CNTNAP2: variants seen among roughly 807,000 people sequenced by gnomAD.
CNTNAP2 encodes contactin-associated protein-like 2.
CNTNAP2 carries 98 observed loss-of-function variants against 155.2 expected under a neutral mutation model. That is an observed-to-expected ratio of 0.63 (90% CI 0.54 to 0.75). The LOEUF is 0.75. Ranked by LOEUF, CNTNAP2 falls within the 30% of genes least tolerant of loss-of-function variation. CNTNAP2 has a pLI of 0.00. For missense variants in CNTNAP2, 1,727 were observed against 1,688.1 expected, an observed-to-expected ratio of 1.02 and a Z score of -0.40; for synonymous variants, 651 against 631.2, an observed-to-expected ratio of 1.03 and a Z score of -0.47.
intron 10 of CNTNAP2, among the ~76,000 whole-genome samples, chr7:147,484,569 A>C (rs1042044497): frequency 1.7e-4 from 26 of 152,224 alleles, no homozygotes; most frequent in African/African-American, 6.3e-4. Context: ...CTGTGCATAT[A>C]GCAGGTGCTC....
chr7:147,363,300 A>G (rs1796175378), intron 9 of CNTNAP2, among the ~76,000 whole-genome samples: 1 of 152,212 alleles, frequency 6.6e-6, no homozygotes, highest in African/African-American at 2.4e-5. Flanking sequence ...TGGATCTGCC[A>G]CTGCCTTGAT....
intron 21 of CNTNAP2, among the ~76,000 whole-genome samples, chr7:148,336,761 C>T (rs902411176): frequency 2.0e-5 from 3 of 152,196 alleles, no homozygotes; most frequent in Non-Finnish European, 4.4e-5. Flanking sequence ...AAAATGTAAT[C>T]ATTCATGAAG....
chr7:148,387,202 A>G (rs1799231226), intron 22 of CNTNAP2, among the ~76,000 whole-genome samples: 1 of 152,136 alleles, frequency 6.6e-6, no homozygotes, highest in South Asian at 2.1e-4. Flanking sequence ...TCAGTTTAAA[A>G]TGAGTTCCAT....
At chr7:148,373,383 T>C (rs2116644072) in intron 21 of CNTNAP2, among the ~76,000 whole-genome samples, 1 of 152,226 alleles carries the variant, frequency 6.6e-6, no homozygotes, top group East Asian at 1.9e-4. Context: ...TTGAACCCAG[T>C]AGGTGGAAGT....
At chr7:146,848,145 C>A (rs1185474903) in intron 3 of CNTNAP2, among the ~76,000 whole-genome samples, 1 of 152,082 alleles carries the variant, frequency 6.6e-6, no homozygotes, top group Admixed American at 6.5e-5. Flanking sequence ...GAGGCTTAAC[C>A]CAGATCTACT....
intron 1 of CNTNAP2, among the ~76,000 whole-genome samples, chr7:146,264,951 G>A (rs1008434902): frequency 2.0e-5 from 3 of 152,192 alleles, no homozygotes; most frequent in African/African-American, 7.2e-5. Context: ...ATCTGAATGA[G>A]TAACCACATT....
intron 1 of CNTNAP2, among the ~76,000 whole-genome samples, chr7:146,652,455 T>C (rs141250815): frequency 6.6e-6 from 1 of 152,266 alleles, no homozygotes; most frequent in East Asian, 1.9e-4. Flanking sequence ...CTCTGAAACT[T>C]TGAACAAGAG....
chr7:148,163,618 G>A (rs1342170117), intron 17 of CNTNAP2, among the ~76,000 whole-genome samples: 3 of 152,016 alleles, frequency 2.0e-5, no homozygotes, highest in Non-Finnish European at 4.4e-5. Flanking sequence ...CAATAATAAT[G>A]AACTGAAAAA....
intron 1 of CNTNAP2, among the ~76,000 whole-genome samples, chr7:146,609,751 G>T (rs2129153744): frequency 6.6e-6 from 1 of 152,306 alleles, no homozygotes; most frequent in African/African-American, 2.4e-5. Context: ...AATGCACTTT[G>T]CATGGCATTG....
At chr7:146,659,167 T>C (rs1009352790) in intron 1 of CNTNAP2, among the ~76,000 whole-genome samples, 1 of 152,136 alleles carries the variant, frequency 6.6e-6, no homozygotes, top group Non-Finnish European at 1.5e-5. Context: ...TTATTCTCAG[T>C]GATTAAAGAA....
intron 21 of CNTNAP2, among the ~76,000 whole-genome samples, chr7:148,292,139 TA>T (rs928923470): frequency 6.6e-6 from 1 of 152,198 alleles, no homozygotes; most frequent in Non-Finnish European, 1.5e-5. Flanking sequence ...CTGTTTTTTG[TA>T]AAAGACAGGT....
intron 2 of CNTNAP2, among the ~76,000 whole-genome samples, chr7:146,827,279 T>C (rs533887721): frequency 1.3e-5 from 2 of 151,990 alleles, no homozygotes; most frequent in Admixed American, 1.3e-4. Context: ...ATCCTAAGAG[T>C]TTACTTAGTA....
chr7:148,344,970 A>C (rs78944299), intron 21 of CNTNAP2, among the ~76,000 whole-genome samples: 1,717 of 152,314 alleles, frequency 0.011, 26 homozygotes, highest in African/African-American at 0.04. Flanking sequence ...GGGCGACTCT[A>C]GGGCTGCAAC....
At chr7:148,170,254 T>C (rs904498163) in intron 17 of CNTNAP2, among the ~76,000 whole-genome samples, 3 of 152,224 alleles carry the variant, frequency 2.0e-5, no homozygotes, top group Admixed American at 2.0e-4. Flanking sequence ...TTTGATAGAA[T>C]ATAATTGTCT....
intron 8 of CNTNAP2, among the ~76,000 whole-genome samples, chr7:147,158,435 T>C (rs1345136050): frequency 6.6e-6 from 1 of 152,062 alleles, no homozygotes; most frequent in Non-Finnish European, 1.5e-5. Context: ...TTCTGCACCA[T>C]GGATTACATG....
chr7:147,296,291 T>A (rs1482629218), intron 8 of CNTNAP2, among the ~76,000 whole-genome samples: 1 of 152,182 alleles, frequency 6.6e-6, no homozygotes, highest in Admixed American at 6.6e-5. Flanking sequence ...CAATAAATCC[T>A]ACTTTGTACT....
At chr7:147,368,017 C>G (rs1324518133) in intron 9 of CNTNAP2, among the ~76,000 whole-genome samples, 1 of 104,128 alleles carries the variant, frequency 9.6e-6, no homozygotes, top group Non-Finnish European at 2.0e-5. Context: ...TCTCTCTCCC[C>G]CCCCTCCCCC....
rs75399858 is a variant in CNTNAP2 at position 147,129,118 on chromosome 7, T to C, written c.1083+282T>C. Among the ~76,000 whole-genome samples the C allele has an allele frequency of 0.03, 4,626 of 152,256 alleles. 110 individuals are homozygous for C. Among genetic ancestry groups the C allele is most frequent in the Non-Finnish European group, 0.043 (2,919 of 68,004 alleles). Reference sequence around the variant, plus strand: ...TGGATGACTCGTGGCACGTGCTTCATCCCAGCAGTTAGCAGCCCTTAAACC... The same window carrying C: ...TGGATGACTCGTGGCACGTGCTTCACCCCAGCAGTTAGCAGCCCTTAAACC... On this transcript the variant is annotated intron_variant, in intron 7 of 23. Transcript: ENST00000361727.
At chr7:147,949,456 A>ATAT (rs1554453489) in intron 14 of CNTNAP2, among the ~76,000 whole-genome samples, 3 of 130,980 alleles carry the variant, frequency 2.3e-5, no homozygotes, top group Non-Finnish European at 4.7e-5. Context: ...ATATATATAT[A>ATAT]TATTTTTTTT....
Sources: allele counts gnomAD v4.1 joint callset (sites outside exome capture counted in the v4.1 genomes callset), GRCh38; gene constraint gnomAD v4.1.1; transcripts MANE v1.5; gene names NCBI Gene and HGNC (gene_info 2026-07-23, HGNC 2026-07-21).